R3HDML: variants seen among roughly 807,000 people sequenced by gnomAD.
The protein encoded by R3HDML is peptidase inhibitor R3HDML.
Under a neutral mutation model 24.2 loss-of-function variants are expected in R3HDML, and 21 were observed. The ratio of observed to expected loss-of-function variants is 0.87; its 90% CI spans 0.62 to 1.25. The LOEUF (loss-of-function observed/expected upper bound fraction) is 1.25, where lower values mean the gene tolerates loss of function less well. Among genes scored for constraint, R3HDML ranks in the 50% most tolerant of loss-of-function variants. The pLI is 0.00. For missense variants in R3HDML, 301 were observed against 340.3 expected (o/e 0.88, Z 0.91); for synonymous variants, 133 against 131.5 (o/e 1.01, Z -0.08).
intron 1 of R3HDML, among the ~76,000 whole-genome samples, chr20:44,339,577 A>ATGTGTG (rs1037269097): frequency 9.2e-6 from 1 of 108,558 alleles, no homozygotes; most frequent in African/African-American, 3.4e-5. Flanking sequence ...TTGCCTATAT[A>ATGTGTG]TATGTGTGTG....
intron 1 of R3HDML, among the ~76,000 whole-genome samples, chr20:44,338,577 A>G (rs902964824): frequency 2.0e-5 from 3 of 152,156 alleles, no homozygotes; most frequent in African/African-American, 7.2e-5. Context: ...TGGCACATTT[A>G]TTGAGCACCC....
At chr20:44,342,001 G>C (rs4810423) in intron 2 of R3HDML, among the ~76,000 whole-genome samples, 49,707 of 152,064 alleles carry the variant, frequency 0.33, 8,475 homozygotes, top group Admixed American at 0.47. Flanking sequence ...CATTCTGACT[G>C]TCAAGTCAGA....
Position 44,337,227 on chromosome 20 carries a change from T to C in R3HDML, c.70T>C (p.Leu24=). Residue 24 remains leucine (L), a synonymous_variant, in exon 1 of 5, where the codon TTG becomes CTG. Transcript: ENST00000217043. This position sits in a 1 kb window ranked among gnomAD's most constrained non-coding sequence, Gnocchi z 4.7. ...CTGGGCTGGCCAGGCAGTGAACGCC[T>C]TGATAATGCCTAATGCTACCCCAGC... The part of the protein sequence containing the change: ...LFWAGQAVNA[L]IMPNATPAPA... 6.2e-7 allele frequency: 1 copy of C among 1,613,868 alleles called. No homozygotes were observed. The highest frequency in any genetic ancestry group is 8.5e-7 in the Non-Finnish European group (1 of 1,180,012).
In R3HDML at chr20:44,346,095, C is replaced by T. The variant is rs185043027; in HGVS notation, c.629+717C>T. Among the ~76,000 whole-genome samples the T allele has an allele frequency of 9.2e-5, 14 of 152,272 alleles. No individual in the cohort carries two copies. In the East Asian group the frequency reaches 2.5e-3, roughly 27 times the overall value. ...TCGGCCTCCCAAAGTGCTGGGATTA[C>T]AGGAGTGAGCCACTGCGCCTGGCCT... On this transcript the variant is annotated intron_variant, in intron 4 of 4. Coordinates refer to ENST00000217043, the MANE Select transcript of R3HDML (RefSeq NM_178491.4).
chr20:44,337,097 G>A lies in R3HDML; in HGVS notation c.-61G>A. The A allele has an allele frequency of 6.4e-7, 1 of 1,556,544 alleles. No homozygotes were observed. On this transcript the variant is annotated 5_prime_UTR_variant, in exon 1 of 5. Coordinates refer to ENST00000217043, the MANE Select transcript of R3HDML (RefSeq NM_178491.4). This position sits in a 1 kb window ranked among gnomAD's most constrained non-coding sequence, Gnocchi z 4.7. Reference sequence around the variant, plus strand: ...CTCAGGGTCTGGTGCTCTCGTGCCTGCCCCTTCCAGGCAGCCGGCTCTGAT... The same window carrying A: ...CTCAGGGTCTGGTGCTCTCGTGCCTACCCCTTCCAGGCAGCCGGCTCTGAT...
chr20:44,350,474 G>T lies in R3HDML; in HGVS notation c.630-186G>T, dbSNP rs2062806635. ...ACGTCAAGGCTGCAGTGAGCTATGG[G>T]TGACAGAGCAAAACAAAATAAATAA... On this transcript the variant is annotated intron_variant, in intron 4 of 4. Transcript: ENST00000217043. 1.7e-5 allele frequency: 8 copies of T among 478,572 alleles called. No individual in the cohort carries two copies. In the East Asian group the frequency reaches 2.9e-4, roughly 17 times the overall value. 29.6% of individuals were successfully genotyped at this position (478,572 alleles called of 1,614,324 possible).
At chr20:44,350,582 A>C in intron 4 of R3HDML, 78 bp from the exon 5 acceptor site, 1 of 1,434,354 alleles carries the variant, frequency 7.0e-7, no homozygotes, top group Non-Finnish European at 9.3e-7. Context: ...GGTCAGTGGC[A>C]GCGCTGAGAT....
rs571680930 is a variant in R3HDML, at chr20:44,341,282, C to A, written c.348C>A (p.Tyr116Ter). Residue 116 changes from tyrosine (Y) to a stop codon, truncating the protein, a stop_gained, in exon 2 of 5, where the codon TAC becomes TAA. Coordinates refer to ENST00000217043, the MANE Select transcript of R3HDML (RefSeq NM_178491.4). LOFTEE classifies it high-confidence loss of function. Reference protein sequence around the residue: ...WAHGPSQLMRYVGQNLSIHSG... With the variant: ...WAHGPSQLMR ...ATGGGCCTTCACAGCTGATGAGATA[C>A]GTGGGCCAGAACCTCTCCATCCATT... is the stretch of plus-strand genomic sequence containing the variant. 2 of 1,614,098 alleles carry A rather than the reference C, an allele frequency of 1.2e-6. No individual in the cohort carries two copies. The highest frequency in any genetic ancestry group is 2.7e-5 in the African/African-American group (2 of 75,060).
Position 44,350,489 on chromosome 20 carries a change from A to AAAATAAATAAATAAATAAAT in R3HDML, c.630-167_630-148dup, listed in dbSNP as rs141709514. ...TGAGCTATGGGTGACAGAGCAAAAC[A>AAAATAAATAAATAAATAAAT]AAATAAATAAATAAATAAATAAAGG... On this transcript the variant is annotated intron_variant, in intron 4 of 4. Transcript: ENST00000217043. 2,450 of 542,494 alleles carry AAAATAAATAAATAAATAAAT rather than the reference A, an allele frequency of 4.5e-3. 55 individuals are homozygous for AAAATAAATAAATAAATAAAT. In the African/African-American group the frequency reaches 0.046, roughly 10 times the overall value. 33.6% of individuals were successfully genotyped at this position (542,494 alleles called of 1,614,324 possible). A position where few individuals can be genotyped will look rare whatever the true frequency, so the allele number is the denominator to read the frequency against.
In R3HDML at chr20:44,350,691, A is replaced by T; in HGVS notation, c.661A>T (p.Met221Leu). The stretch of plus-strand genomic sequence containing the variant: ...CTGGATTGGCGAGTCCCCGTACAAG[A>T]TGGGAAAGCCGTGCTCCTCCTGTCC... ...GNWIGESPYKMGKPCSSCPPS... is the reference protein window; with the variant it reads ...GNWIGESPYKLGKPCSSCPPS... The change falls in exon 5 of 5, where the codon ATG (methionine) becomes TTG (leucine). Residue 221 changes from methionine to leucine, a missense_variant. Transcript: ENST00000217043. 1.9e-6 allele frequency: 3 copies of T among 1,613,832 alleles called. No homozygotes were observed. The highest frequency in any genetic ancestry group is 2.5e-6 in the Non-Finnish European group (3 of 1,179,960).
chr20:44,339,101 C>G (rs1043328840), intron 1 of R3HDML, among the ~76,000 whole-genome samples: 1 of 151,754 alleles, frequency 6.6e-6, no homozygotes, highest in African/African-American at 2.4e-5. Context: ...GCCAGACAAC[C>G]CTGGTAGATA....
intron 4 of R3HDML, 96 bp downstream of exon 4, chr20:44,345,474 A>G: frequency 2.4e-6 from 2 of 826,684 alleles, no homozygotes; most frequent in South Asian, 3.3e-5. Context: ...TCTTCATTCT[A>G]AGTGCCCTCA....
chr20:44,350,626 C>G, intron 4 of R3HDML, 34 bp from the exon 5 acceptor site: 1 of 1,601,926 alleles, frequency 6.2e-7, no homozygotes, highest in Non-Finnish European at 8.5e-7. Context: ...TCACCTAATG[C>G]TCCTCTGTCT....
In R3HDML at chr20:44,345,354, A is replaced by G. The variant is rs1489554239; in HGVS notation, c.605A>G (p.Tyr202Cys). 6 of 1,613,858 alleles carry G rather than the reference A, an allele frequency of 3.7e-6. No homozygotes were observed. The South Asian group carries it at 6.6e-5, about 18-fold the overall frequency. Reference sequence around the variant, plus strand: ...GGCAACACCTGGCATCGGGCGGCATACCTGGTCTGCAACTATGCCATTAAG... The same window carrying G: ...GGCAACACCTGGCATCGGGCGGCATGCCTGGTCTGCAACTATGCCATTAAG... ...VWGNTWHRAA[Y>C]LVCNYAIKGN... The change falls in exon 4 of 5, where the codon TAC (tyrosine) becomes TGC (cysteine). Residue 202 changes from tyrosine to cysteine, a missense_variant. By Grantham distance (194) the Tyr-to-Cys change is radical (BLOSUM62 -2). Transcript: ENST00000217043.
intron 3 of R3HDML, among the ~76,000 whole-genome samples, chr20:44,344,627 C>A (rs2062781140): frequency 6.7e-6 from 1 of 150,162 alleles, no homozygotes; most frequent in African/African-American, 2.5e-5. Flanking sequence ...ACTAAAAATC[C>A]AAAAAATTAG....
chr20:44,343,287 A>G, intron 2 of R3HDML, 90 bp from the exon 3 acceptor site: 1 of 1,486,730 alleles, frequency 6.7e-7, no homozygotes, highest in South Asian at 1.2e-5. Flanking sequence ...AAAGGAAGCA[A>G]AGTGATCACC....
intron 4 of R3HDML, among the ~76,000 whole-genome samples, chr20:44,349,151 A>T (rs7409778): frequency 9.5e-5 from 9 of 94,796 alleles, no homozygotes; most frequent in African/African-American, 1.7e-4. Flanking sequence ...TAAAATAAAT[A>T]AAATAAAATA....
rs772921364 is a variant in R3HDML, at chr20:44,337,275, G to C, written c.118G>C (p.Ala40Pro). 1.2e-6 allele frequency: 2 copies of C among 1,614,070 alleles called. No homozygotes were observed. The highest frequency in any genetic ancestry group is 1.3e-5 in the African/African-American group (1 of 74,936). Residue 40 changes from alanine to proline, a missense_variant, in exon 1 of 5, where the codon GCT (alanine) becomes CCT (proline). Physicochemically the swap from Ala to Pro is conservative, Grantham distance 27. Transcript: ENST00000217043. The surrounding 1 kb of genome is among the most constrained non-coding windows in gnomAD (Gnocchi z 4.7). ...AGCCCCGGCCCAGCCCGAGAGCACG[G>C]CTATGCGGCTCCTGAGTGGCCTGGA... ...TPAPAQPEST[A>P]MRLLSGLEVP...
At chr20:44,344,245 C>T (rs2062780020) in intron 3 of R3HDML, among the ~76,000 whole-genome samples, 1 of 151,420 alleles carries the variant, frequency 6.6e-6, no homozygotes, top group Non-Finnish European at 1.5e-5. Context: ...TGCACTACTG[C>T]ACTCCAGCCT....
Sources: allele counts gnomAD v4.1 joint callset (sites outside exome capture counted in the v4.1 genomes callset), GRCh38; gene constraint gnomAD v4.1.1; non-coding constraint Gnocchi (gnomAD v3.1); transcripts MANE v1.5; gene names NCBI Gene and HGNC (gene_info 2026-07-23, HGNC 2026-07-21).